The following FAM186A variants were observed in gnomAD, a reference collection of about 807,000 sequenced individuals.
The protein encoded by FAM186A is protein FAM186A.
Under a neutral mutation model 216.8 loss-of-function variants are expected in FAM186A, and 163 were observed. The observed-to-expected ratio is 0.75, with a 90% CI of 0.66 to 0.86. The LOEUF is 0.86. FAM186A is among the 40% of genes least tolerant of loss of function. FAM186A has a pLI of 0.00. For synonymous variants in FAM186A, 805 were observed against 1,025.3 expected (o/e 0.79, Z 4.10); for missense variants, 2,184 against 2,746.2 (o/e 0.80, Z 4.58).
chr12:50,383,299 A>G (rs970310819), intron 1 of FAM186A, among the ~76,000 whole-genome samples: 1 of 142,822 alleles, frequency 7.0e-6, no homozygotes. Flanking sequence ...AGAGAGAAAG[A>G]AAAGAAACGG....
In FAM186A at chr12:50,367,912, G is replaced by A. The variant is rs569204921; in HGVS notation, c.193-4548C>T. Among the ~76,000 whole-genome samples, 41 of 152,278 alleles carry A rather than the reference G, an allele frequency of 2.7e-4. No individual in the cohort carries two copies. In the South Asian group the frequency reaches 8.5e-3, roughly 32 times the overall value. On this transcript the variant is annotated intron_variant, in intron 1 of 7. Coordinates refer to ENST00000327337, the MANE Select transcript of FAM186A (RefSeq NM_001145475.3). ...TGTAATCCCAGCACTTTGGAAGGCC[G>A]AGGCGGGTGGATCACCTGAGGTTGG...
At chr12:50,385,944 A>G (rs914872836) in intron 1 of FAM186A, among the ~76,000 whole-genome samples, 3 of 152,034 alleles carry the variant, frequency 2.0e-5, no homozygotes, top group Non-Finnish European at 4.4e-5. Context: ...CAGACAGTGT[A>G]GAACAGTGGT....
intron 1 of FAM186A, among the ~76,000 whole-genome samples, chr12:50,391,076 C>T (rs952714557): frequency 6.6e-6 from 1 of 151,884 alleles, no homozygotes; most frequent in Non-Finnish European, 1.5e-5. Flanking sequence ...GCAACCTCCA[C>T]CTCCCAGATT....
intron 1 of FAM186A, among the ~76,000 whole-genome samples, chr12:50,389,530 T>C (rs1159139803): frequency 1.3e-5 from 2 of 151,998 alleles, no homozygotes; most frequent in Non-Finnish European, 2.9e-5. Context: ...GGCCAGATGG[T>C]TTTGCAGGTA....
At chr12:50,378,681 A>T (rs530721089) in intron 1 of FAM186A, among the ~76,000 whole-genome samples, 60 of 149,410 alleles carry the variant, frequency 4.0e-4, no homozygotes, top group African/African-American at 1.2e-3. Flanking sequence ...AAATTAAATT[A>T]AAAAAAAGAA....
intron 2 of FAM186A, among the ~76,000 whole-genome samples, chr12:50,361,464 G>C (rs1943034679): frequency 6.6e-6 from 1 of 151,944 alleles, no homozygotes; most frequent in South Asian, 2.1e-4. Context: ...CTCCCAAAGT[G>C]CTGGGATTAC....
At chr12:50,339,427 T>C (rs1269014458) in intron 4 of FAM186A, among the ~76,000 whole-genome samples, 1 of 152,214 alleles carries the variant, frequency 6.6e-6, no homozygotes, top group Non-Finnish European at 1.5e-5. Flanking sequence ...TTAAAACAAC[T>C]GTAAATATTT....
intron 6 of FAM186A, among the ~76,000 whole-genome samples, 176 bp downstream of exon 6, chr12:50,331,494 G>A (rs966570471): frequency 2.6e-4 from 40 of 152,060 alleles, no homozygotes; most frequent in African/African-American, 7.2e-4. Flanking sequence ...CACCTGCCTC[G>A]GCCTCCCAAA....
chr12:50,384,074 T>C (rs1328276286), intron 1 of FAM186A, among the ~76,000 whole-genome samples: 4 of 151,846 alleles, frequency 2.6e-5, no homozygotes, highest in Non-Finnish European at 5.9e-5. Context: ...GTTGAGATCA[T>C]ACCACTGCAC....
intron 1 of FAM186A, among the ~76,000 whole-genome samples, chr12:50,380,790 C>G (rs1240199836): frequency 6.6e-6 from 1 of 152,178 alleles, no homozygotes; most frequent in Non-Finnish European, 1.5e-5. Flanking sequence ...TTTGCTCAGG[C>G]CCACTGGGCT....
intron 4 of FAM186A, among the ~76,000 whole-genome samples, chr12:50,340,849 T>C (rs1487718165): frequency 6.6e-6 from 1 of 150,496 alleles, no homozygotes; most frequent in East Asian, 2.0e-4. Flanking sequence ...CAGGCTGGAG[T>C]GCAATGGTGT....
chr12:50,384,350 A>G (rs1943282589), intron 1 of FAM186A, among the ~76,000 whole-genome samples: 1 of 152,128 alleles, frequency 6.6e-6, no homozygotes, highest in Non-Finnish European at 1.5e-5. Context: ...CCTTGAGCCC[A>G]GGAGTCCAAG....
Position 50,355,434 on chromosome 12 carries a change from T to G in FAM186A, c.1398A>C (p.Thr466=). Residue 466 remains threonine, a synonymous_variant, in exon 4 of 8, where the codon ACA becomes ACC. Transcript: ENST00000327337. The part of the protein sequence containing the change: ...QSWKRSHKKA[T]YVYETSGPNL... ...TTGGTCCAGAGGTCTCATATACATATGTGGCTTTTTTGTGGCTTCTTTTCC... is the reference window on the plus strand; with the variant it reads ...TTGGTCCAGAGGTCTCATATACATAGGTGGCTTTTTTGTGGCTTCTTTTCC... 1 of 1,551,304 alleles carries G rather than the reference T, an allele frequency of 6.4e-7. No individual in the cohort carries two copies. The highest frequency in any genetic ancestry group is 8.7e-7 in the Non-Finnish European group (1 of 1,146,942).
intron 4 of FAM186A, among the ~76,000 whole-genome samples, chr12:50,341,368 T>C (rs1249764052): frequency 6.6e-6 from 1 of 152,184 alleles, no homozygotes; most frequent in African/African-American, 2.4e-5. Context: ...TGTCTGTGAT[T>C]TTGTTATTAT....
At chr12:50,329,626 C>G (rs1378315643) in intron 7 of FAM186A, among the ~76,000 whole-genome samples, 2 of 146,982 alleles carry the variant, frequency 1.4e-5, no homozygotes, top group East Asian at 4.0e-4. Context: ...GAGACAGAGT[C>G]TCACTCTATT....
chr12:50,344,977 C>T (rs551193734), intron 4 of FAM186A, among the ~76,000 whole-genome samples: 2 of 152,116 alleles, frequency 1.3e-5, no homozygotes, highest in Admixed American at 1.3e-4. Context: ...CAAGGCCGAG[C>T]GCGGTGGCTC....
chr12:50,380,481 G>A (rs1943243584), intron 1 of FAM186A, among the ~76,000 whole-genome samples: 1 of 139,416 alleles, frequency 7.2e-6, no homozygotes, highest in South Asian at 2.3e-4. Context: ...TTCGAGACCG[G>A]CCTGGCCAAC....
At chr12:50,393,030 C>T (rs1037758421) in intron 1 of FAM186A, among the ~76,000 whole-genome samples, 3 of 150,246 alleles carry the variant, frequency 2.0e-5, no homozygotes, top group African/African-American at 7.4e-5. Flanking sequence ...GGGTTCACGC[C>T]ATTCTCCTGC....
At chr12:50,329,535 A>T (rs1186365123) in intron 7 of FAM186A, among the ~76,000 whole-genome samples, 1 of 152,052 alleles carries the variant, frequency 6.6e-6, no homozygotes, top group East Asian at 1.9e-4. Context: ...TTCCTGTATT[A>T]TAGAATTTTA....
Sources: allele counts gnomAD v4.1 joint callset (sites outside exome capture counted in the v4.1 genomes callset), GRCh38; gene constraint gnomAD v4.1.1; transcripts MANE v1.5; gene names NCBI Gene and HGNC (gene_info 2026-07-23, HGNC 2026-07-21).